MROH7: variants seen among roughly 807,000 people sequenced by gnomAD.
The protein encoded by MROH7 is maestro heat like repeat family member 7.
MROH7 carries 113 observed loss-of-function variants against 129.2 expected under a neutral mutation model. The observed-to-expected ratio is 0.87, with a 90% CI of 0.75 to 1.02. The LOEUF is 1.02. MROH7 is among the 50% of genes least tolerant of loss of function. The pLI is 0.00. For missense variants in MROH7, 1,601 were observed against 1,671.3 expected (o/e 0.96, Z 0.73); for synonymous variants, 655 against 667.9 (o/e 0.98, Z 0.30).
intron 17 of MROH7, chr1:54,695,859 A>C (rs1156706136): frequency 2.9e-6 from 1 of 344,866 alleles, no homozygotes; most frequent in Non-Finnish European, 5.7e-6. Flanking sequence ...GATACCAGTG[A>C]GTGATTTGTA....
At chr1:54,654,605 A>G (rs1022042201) in intron 3 of MROH7, among the ~76,000 whole-genome samples, 8 of 152,150 alleles carry the variant, frequency 5.3e-5, no homozygotes, top group African/African-American at 1.7e-4. Flanking sequence ...CCTGGGAGGC[A>G]GAGGTTACAG....
chr1:54,642,204 G>A (rs1644398798), intron 1 of MROH7, among the ~76,000 whole-genome samples: 1 of 152,204 alleles, frequency 6.6e-6, no homozygotes, highest in African/African-American at 2.4e-5. Flanking sequence ...GGGATGGTGG[G>A]GATGAACATT....
chr1:54,684,112 G>A (rs766054840), intron 14 of MROH7, among the ~76,000 whole-genome samples: 17 of 152,208 alleles, frequency 1.1e-4, no homozygotes, highest in Non-Finnish European at 2.2e-4. Context: ...TGTTTAGTGA[G>A]CACCTCCTAT....
chr1:54,659,148 GC>G (rs1220784598), intron 3 of MROH7: 1 of 424,820 alleles, frequency 2.4e-6, no homozygotes, highest in African/African-American at 2.1e-5. Flanking sequence ...AGGCTGGAGT[GC>G]AATGGTGCGA....
chr1:54,674,216 A>T, intron 10 of MROH7, 65 bp downstream of exon 10: 1 of 1,552,818 alleles, frequency 6.4e-7, no homozygotes. Flanking sequence ...GGATTCAATA[A>T]AGAATCAGCT....
At chr1:54,691,786 C>CAAA (rs1199947432) in intron 15 of MROH7, among the ~76,000 whole-genome samples, 18 of 65,762 alleles carry the variant, frequency 2.7e-4, no homozygotes, top group African/African-American at 1.1e-3. Flanking sequence ...AGCCTGGCGA[C>CAAA]AAAAAAAAAA....
At chr1:54,644,874 A>G (rs1644441050) in intron 1 of MROH7, among the ~76,000 whole-genome samples, 1 of 150,410 alleles carries the variant, frequency 6.6e-6, no homozygotes, top group African/African-American at 2.5e-5. Context: ...CGGTGGTGCA[A>G]TCTCAGCTCA....
At chr1:54,649,198 G>T (rs1370687497) in intron 1 of MROH7, among the ~76,000 whole-genome samples, 1 of 152,226 alleles carries the variant, frequency 6.6e-6, no homozygotes, top group Non-Finnish European at 1.5e-5. Context: ...AGCAACCCTT[G>T]TCCAGGGCCT....
At chr1:54,659,103 G>T (rs1197070585) in intron 3 of MROH7, 6 of 430,580 alleles carry the variant, frequency 1.4e-5, no homozygotes, top group African/African-American at 4.3e-5. Context: ...TGTTTGTTTT[G>T]TTTTTTTTTA....
chr1:54,694,742 C>A (rs1034795132), intron 16 of MROH7, among the ~76,000 whole-genome samples: 2 of 152,150 alleles, frequency 1.3e-5, no homozygotes, highest in African/African-American at 4.8e-5. Flanking sequence ...AGTGGTCAGG[C>A]CTGAGCCACC....
In MROH7 at chr1:54,679,419, C is replaced by A. The variant is rs967441341; in HGVS notation, c.2206C>A (p.Arg736Ser). The A allele has an allele frequency of 4.3e-6, 7 of 1,613,482 alleles. No homozygotes were observed. The African/African-American group carries it at 9.3e-5, about 22-fold the overall frequency. The change falls in exon 12 of 24, where the codon CGC (arginine) becomes AGC (serine). Residue 736 changes from arginine to serine, a missense_variant. Arg to Ser is a moderately radical substitution (Grantham distance 110). Coordinates refer to ENST00000421030, the MANE Select transcript of MROH7 (RefSeq NM_001039464.4). ...GCTCAGCTCGGTGCTGGAGTGGTACCGCCACAGGGCGCTGGAGGTGGTAAG... is the reference window on the plus strand; with the variant it reads ...GCTCAGCTCGGTGCTGGAGTGGTACAGCCACAGGGCGCTGGAGGTGGTAAG... ...VMLSSVLEWY[R>S]HRALEVIPEI...
chr1:54,645,655 C>CTT (rs60788847), intron 1 of MROH7, among the ~76,000 whole-genome samples: 1,472 of 124,162 alleles, frequency 0.012, 42 homozygotes, highest in African/African-American at 0.04. Flanking sequence ...TTCTTTCTTT[C>CTT]TTTTTTTTTT....
At chr1:54,670,958 C>T in intron 7 of MROH7, 29 bp downstream of exon 7, 3 of 1,567,262 alleles carry the variant, frequency 1.9e-6, no homozygotes, top group South Asian at 1.2e-5. Context: ...AGCAGGGCCT[C>T]AGGGCTGGCC....
intron 14 of MROH7, 106 bp downstream of exon 14, chr1:54,682,900 A>T (rs2101139619): frequency 7.7e-7 from 1 of 1,290,478 alleles, no homozygotes; most frequent in Non-Finnish European, 1.1e-6. Context: ...GCACTCTGCC[A>T]GTAACTAGTT....
chr1:54,673,562 C>A, intron 8 of MROH7, 139 bp from the exon 9 acceptor site: 1 of 677,684 alleles, frequency 1.5e-6, no homozygotes, highest in Non-Finnish European at 2.6e-6. Flanking sequence ...GCCTATACCC[C>A]AAGAAGAGGA....
intron 16 of MROH7, 60 bp downstream of exon 16, chr1:54,692,621 T>C: frequency 6.4e-7 from 1 of 1,552,348 alleles, no homozygotes; most frequent in Non-Finnish European, 8.7e-7. Flanking sequence ...GACCTCAGGA[T>C]CTTCAGACGG....
Position 54,697,705 on chromosome 1 carries a change from A to G in MROH7, c.2964+2215A>G, listed in dbSNP as rs958375885. On this transcript the variant is annotated intron_variant, in intron 17 of 23. Transcript: ENST00000421030. ...CTCATGCTTAGGTGAGTTAAGGGGA[A>G]TTTTTTAAGGTCACAGAGCTCAGAG... 10 of 703,046 alleles carry G rather than the reference A, an allele frequency of 1.4e-5. No individual in the cohort carries two copies. The African/African-American group carries it at 1.7e-4, about 12-fold the overall frequency. The allele number at this position is 703,046 out of a possible 1,614,324, so 43.6% of individuals were successfully genotyped here.
At chr1:54,659,723 G>C (rs1644704157) in intron 3 of MROH7, among the ~76,000 whole-genome samples, 1 of 152,192 alleles carries the variant, frequency 6.6e-6, no homozygotes, top group African/African-American at 2.4e-5. Context: ...AAAGTGCCAG[G>C]ATTACAAGCG....
At position 54,703,769 on chromosome 1, in the gene MROH7, G is replaced by A. The variant is rs1205102402; in HGVS notation, c.3564+1024G>A. Among the ~76,000 whole-genome samples the A allele has an allele frequency of 6.6e-6, 1 of 152,186 alleles. No homozygotes were observed. The highest frequency in any genetic ancestry group is 1.5e-5 in the Non-Finnish European group (1 of 68,036). ...TTGTTGTGGGCAGCAGTGAGCATAT[G>A]AGGGAGTGCCCCTGGGACCAATACC... On this transcript the variant is annotated intron_variant, in intron 21 of 23. Transcript: ENST00000421030. The surrounding 1 kb of genome is among the most constrained non-coding windows in gnomAD (Gnocchi z 4.4).
Sources: allele counts gnomAD v4.1 joint callset (sites outside exome capture counted in the v4.1 genomes callset), GRCh38; gene constraint gnomAD v4.1.1; non-coding constraint Gnocchi (gnomAD v3.1); transcripts MANE v1.5; gene names NCBI Gene and HGNC (gene_info 2026-07-23, HGNC 2026-07-21).